The following CADM2 variants were observed in gnomAD, a reference collection of about 807,000 sequenced individuals.
CADM2 encodes the protein cell adhesion molecule 2.
Under a neutral mutation model 49.8 loss-of-function variants are expected in CADM2, and 12 were observed. That is an observed-to-expected ratio of 0.24 (90% confidence interval 0.15 to 0.39). The LOEUF (loss-of-function observed/expected upper bound fraction) is 0.39. Ranked by LOEUF, CADM2 falls within the 10% of genes least tolerant of loss-of-function variation. The pLI is 1.00. For synonymous variants in CADM2, 214 were observed against 175.4 expected (o/e 1.22, Z -1.74); for missense variants, 378 against 492.3 (o/e 0.77, Z 2.20).
chr3:85,803,611 G>T (rs1183038390), intron 3 of CADM2, among the ~76,000 whole-genome samples: 2 of 152,052 alleles, frequency 1.3e-5, no homozygotes, highest in African/African-American at 4.8e-5. Context: ...TGCAGGGCAG[G>T]CTGGTAGGCT....
chr3:85,362,183 A>G (rs2032408963), intron 1 of CADM2, among the ~76,000 whole-genome samples: 1 of 152,176 alleles, frequency 6.6e-6, no homozygotes, highest in Non-Finnish European at 1.5e-5. Context: ...ATTACATTTC[A>G]CCTTCTTAAA....
intron 1 of CADM2, among the ~76,000 whole-genome samples, chr3:85,273,437 G>A (rs2043288128): frequency 6.6e-6 from 1 of 151,348 alleles, no homozygotes; most frequent in Non-Finnish European, 1.5e-5. Context: ...GGCAATTTTA[G>A]GGAAAGATGG....
intron 1 of CADM2, among the ~76,000 whole-genome samples, chr3:85,410,593 A>C (rs1409277191): frequency 2.0e-5 from 3 of 152,176 alleles, no homozygotes; most frequent in Non-Finnish European, 2.9e-5. Context: ...GGATTAAACA[A>C]GCTAGTAAAA....
intron 1 of CADM2, among the ~76,000 whole-genome samples, chr3:85,560,377 A>G (rs1351326089): frequency 1.3e-5 from 2 of 152,246 alleles, no homozygotes; most frequent in Non-Finnish European, 2.9e-5. Flanking sequence ...ATTGCCAAGG[A>G]ATAAGCTGAA....
At chr3:85,862,156 G>A (rs1469410151) in intron 3 of CADM2, among the ~76,000 whole-genome samples, 1 of 152,084 alleles carries the variant, frequency 6.6e-6, no homozygotes, top group African/African-American at 2.4e-5. Context: ...TTTAGCTAAT[G>A]ATGTCTCATG....
intron 1 of CADM2, among the ~76,000 whole-genome samples, chr3:85,697,181 G>A (rs565607874): frequency 5.3e-5 from 8 of 151,030 alleles, no homozygotes; most frequent in Non-Finnish European, 1.0e-4. Context: ...ATCTATCACA[G>A]ATGAAAACAA....
intron 5 of CADM2, among the ~76,000 whole-genome samples, chr3:85,898,482 GA>G (rs1009344418): frequency 6.6e-6 from 1 of 151,670 alleles, no homozygotes; most frequent in African/African-American, 2.4e-5. Flanking sequence ...TCAGTCCCAG[GA>G]AACCATTGTT....
chr3:85,774,987 T>C (rs2070288178), intron 2 of CADM2, among the ~76,000 whole-genome samples: 1 of 151,830 alleles, frequency 6.6e-6, no homozygotes, highest in Admixed American at 6.6e-5. Context: ...TTCAGATAGA[T>C]ATATATGTGT....
At chr3:85,370,368 G>A (rs2033140408) in intron 1 of CADM2, among the ~76,000 whole-genome samples, 1 of 151,760 alleles carries the variant, frequency 6.6e-6, no homozygotes, top group African/African-American at 2.4e-5. Flanking sequence ...GTGGCATTGA[G>A]CCAAGATCGC....
chr3:85,373,922 G>A (rs951342348), intron 1 of CADM2, among the ~76,000 whole-genome samples: 13 of 152,064 alleles, frequency 8.5e-5, no homozygotes, highest in Non-Finnish European at 1.8e-4. Context: ...TTCCTCCTAG[G>A]CCTCCTAAGC....
At chr3:85,887,992 A>G (rs1713904156) in intron 5 of CADM2, among the ~76,000 whole-genome samples, 1 of 152,308 alleles carries the variant, frequency 6.6e-6, no homozygotes, top group African/African-American at 2.4e-5. Flanking sequence ...TACACGTCAC[A>G]TATTTCCTTT....
intron 1 of CADM2, among the ~76,000 whole-genome samples, chr3:85,156,901 C>T (rs900296403): frequency 1.3e-5 from 2 of 152,118 alleles, no homozygotes; most frequent in African/African-American, 4.8e-5. Context: ...GTCAAATTGT[C>T]CCTGTTTGCA....
chr3:86,006,894 A>T (rs1322110179), intron 8 of CADM2, among the ~76,000 whole-genome samples: 2 of 152,010 alleles, frequency 1.3e-5, no homozygotes, highest in Non-Finnish European at 2.9e-5. Flanking sequence ...TACAAAAATT[A>T]GCTAGGCATG....
At chr3:85,437,718 TACTTAA>T (rs754961745) in intron 1 of CADM2, among the ~76,000 whole-genome samples, 2 of 152,008 alleles carry the variant, frequency 1.3e-5, no homozygotes, top group Non-Finnish European at 2.9e-5. Context: ...AAATCCTTGT[TACTTAA>T]ATGAGATTCA....
At chr3:86,026,099 GCA>G (rs755340591) in intron 8 of CADM2, among the ~76,000 whole-genome samples, 3 of 152,094 alleles carry the variant, frequency 2.0e-5, no homozygotes, top group Admixed American at 2.0e-4. Flanking sequence ...GTGCTGTTTT[GCA>G]CAGTTTTAAG....
At chr3:85,222,753 T>C (rs1464910511) in intron 1 of CADM2, among the ~76,000 whole-genome samples, 3 of 152,160 alleles carry the variant, frequency 2.0e-5, no homozygotes, top group Non-Finnish European at 4.4e-5. Flanking sequence ...ACATATTGCT[T>C]ATATAATGCT....
intron 3 of CADM2, among the ~76,000 whole-genome samples, chr3:85,829,159 G>A (rs1002279197): frequency 6.6e-6 from 1 of 151,898 alleles, no homozygotes; most frequent in Non-Finnish European, 1.5e-5. Flanking sequence ...GCAGAACAAA[G>A]CAGAAAGATG....
chr3:85,960,188 T>C (rs1053375337), intron 7 of CADM2, among the ~76,000 whole-genome samples: 2 of 151,988 alleles, frequency 1.3e-5, no homozygotes, highest in African/African-American at 4.8e-5. Context: ...GTTTACAATA[T>C]TTGTTATTAT....
At chr3:85,617,666 C>G (rs2063835994) in intron 1 of CADM2, among the ~76,000 whole-genome samples, 1 of 152,162 alleles carries the variant, frequency 6.6e-6, no homozygotes, top group African/African-American at 2.4e-5. Flanking sequence ...AGTCCCAACT[C>G]TGTAATCATA....
Sources: gnomAD v4.1 joint callset for allele counts (sites outside exome capture counted in the v4.1 genomes callset) on GRCh38, gnomAD v4.1.1 for gene constraint, MANE v1.5 for transcripts, NCBI Gene and HGNC (gene_info 2026-07-23, HGNC 2026-07-21) for gene names.